The following LPA variants were observed in gnomAD, a reference collection of about 807,000 sequenced individuals.
LPA encodes the protein apolipoprotein(a).
In LPA, 199 loss-of-function variants were observed where a neutral mutation model predicts 197.9. The observed-to-expected ratio is 1.01, with a 90% CI of 0.90 to 1.13. The LOEUF is 1.13. Ranked by LOEUF, LPA falls within the 50% of genes most tolerant of loss-of-function variation. The probability of loss-of-function intolerance (pLI) is 0.00; values close to 1 mark genes in which losing one functional copy is unlikely to be tolerated. For missense variants in LPA, 1,853 were observed against 1,785.8 expected, an observed-to-expected ratio of 1.04 and a Z score of -0.68; for synonymous variants, 715 against 639.5, an observed-to-expected ratio of 1.12 and a Z score of -1.78.
At chr6:160,604,461 C>G (rs561555063) in intron 18 of LPA, among the ~76,000 whole-genome samples, 2 of 152,252 alleles carry the variant, frequency 1.3e-5, no homozygotes, top group Admixed American at 1.3e-4. Context: ...ATCTATCCAC[C>G]CTTTTACTTT....
chr6:160,556,169 G>T lies in LPA; in HGVS notation c.4829C>A (p.Thr1610Asn), dbSNP rs1289187240. ...ATGGTAGCACTGCCGGACCACAGGG[G>T]TTTGCTCAGTTGGTGCTGAAAATAG... ...AHSEAAPTEQ[T>N]PVVRQCYHGN... The change falls in exon 30 of 39, where the codon ACC becomes AAC. Residue 1610 changes from threonine (T) to asparagine (N), a missense_variant. Thr to Asn is a moderately conservative substitution (Grantham distance 65). This residue lies in a region of LPA where 1,737 missense variants were observed against 1,504.4 expected (regional missense o/e 1.15). Coordinates refer to ENST00000316300, the MANE Select transcript of LPA (RefSeq NM_005577.4). The T allele has an allele frequency of 1.2e-5, 20 of 1,613,882 alleles. No individual in the cohort carries two copies. The Middle Eastern group carries it at 5.0e-4, about 40-fold the overall frequency.
At chr6:160,558,196 G>A (rs1056243297) in intron 28 of LPA, among the ~76,000 whole-genome samples, 2 of 152,140 alleles carry the variant, frequency 1.3e-5, no homozygotes, top group African/African-American at 2.4e-5. Context: ...TGGGATTACA[G>A]GTGTGAGCCA....
Position 160,611,444 on chromosome 6 carries a change from G to C in LPA, c.2603+118C>G, listed in dbSNP as rs73785611. 49 of 1,520,510 alleles carry C rather than the reference G, an allele frequency of 3.2e-5. 1 individual carries two copies. The highest frequency in any genetic ancestry group is 4.1e-5 in the Non-Finnish European group (46 of 1,108,784). 94.2% of individuals were successfully genotyped at this position (1,520,510 alleles called of 1,614,324 possible). A position where few individuals can be genotyped will look rare whatever the true frequency, so the allele number is the denominator to read the frequency against. On this transcript the variant is annotated intron_variant, in intron 16 of 38. Transcript: ENST00000316300. The stretch of plus-strand genomic sequence containing the variant: ...CAAGGAAATCATCCTGAGACATTTT[G>C]CTACACCATCTGAATCTGACACAAG...
chr6:160,646,937 G>C (rs565986187), intron 2 of LPA, among the ~76,000 whole-genome samples: 1 of 152,130 alleles, frequency 6.6e-6, no homozygotes, highest in East Asian at 1.9e-4. Flanking sequence ...TCAAAACCTA[G>C]TGAAAAGGCT....
intron 16 of LPA, among the ~76,000 whole-genome samples, chr6:160,611,087 A>C (rs139081002): frequency 6.6e-6 from 1 of 151,924 alleles, no homozygotes. Flanking sequence ...GGACCAAGAG[A>C]TTTTCTCCCT....
In LPA at chr6:160,531,555, AGT is replaced by A; in HGVS notation, c.*172_*173del. The A allele has an allele frequency of 1.4e-6, 1 of 730,416 alleles. No individual in the cohort carries two copies. The highest frequency in any genetic ancestry group is 2.4e-6 in the Non-Finnish European group (1 of 421,830). 45.2% of individuals were successfully genotyped at this position (730,416 alleles called of 1,614,324 possible). On this transcript the variant is annotated 3_prime_UTR_variant, in exon 39 of 39. Coordinates refer to ENST00000316300, the MANE Select transcript of LPA (RefSeq NM_005577.4). Reference sequence around the variant, plus strand: ...ATGACACCTTAATACAGAATTTGTCAGTCAGACCTTAAAAGCTTATACACAAA... The same window carrying A: ...ATGACACCTTAATACAGAATTTGTCACAGACCTTAAAAGCTTATACACAAA...
chr6:160,572,547 G>T (rs746432769), intron 28 of LPA, among the ~76,000 whole-genome samples: 3 of 152,036 alleles, frequency 2.0e-5, no homozygotes, highest in Admixed American at 6.6e-5. Flanking sequence ...TGTGTTTCTA[G>T]GATTTGTTTC....
chr6:160,650,273 C>T, intron 2 of LPA, 65 bp downstream of exon 2: 7 of 1,541,770 alleles, frequency 4.5e-6, no homozygotes, highest in South Asian at 4.5e-5. Flanking sequence ...TAGCTTGACG[C>T]ACACCTTTTC....
intron 30 of LPA, among the ~76,000 whole-genome samples, chr6:160,553,954 T>TGTGTGTGTGTGTGTGC (rs771903485): frequency 0.035 from 4,582 of 130,588 alleles, 125 homozygotes; most frequent in African/African-American, 0.083. Context: ...TGTGTGTGTG[T>TGTGTGTGTGTGTGTGC]GCGCGCGCGC....
chr6:160,595,363 A>T lies in LPA; in HGVS notation c.3460T>A (p.Ser1154Thr), dbSNP rs374045640. 15 of 1,612,472 alleles carry T rather than the reference A, an allele frequency of 9.3e-6. No homozygotes were observed. Among genetic ancestry groups the T allele is most frequent in the Admixed American group, 1.7e-5 (1 of 60,026 alleles). Residue 1154 changes from serine (S) to threonine (T), a missense_variant, in exon 21 of 39, where the codon TCT becomes ACT. Physicochemically the swap from Ser to Thr is moderately conservative, Grantham distance 58. This residue lies in a region of LPA where 1,737 missense variants were observed against 1,504.4 expected (regional missense o/e 1.15). Coordinates refer to ENST00000316300, the MANE Select transcript of LPA (RefSeq NM_005577.4). ...VVPDPSTEASSEEAPTEQSPG... is the reference protein window; with the variant it reads ...VVPDPSTEASTEEAPTEQSPG... ...GCCATAGACTTCCTACCTTCTTCAG[A>T]AGAAGCCTCTGTGCTTGGATCTGGG...
At chr6:160,647,129 G>T (rs1284004423) in intron 2 of LPA, among the ~76,000 whole-genome samples, 1 of 152,168 alleles carries the variant, frequency 6.6e-6, no homozygotes, top group Non-Finnish European at 1.5e-5. Context: ...CCTGCTCTCA[G>T]TCTATCCTCT....
In LPA at chr6:160,589,206, T is replaced by C. The variant is rs534424009; in HGVS notation, c.3947+347A>G. 2.6e-5 allele frequency among the ~76,000 whole-genome samples: 4 copies of C among 152,360 alleles called. No individual in the cohort carries two copies. The South Asian group carries it at 6.2e-4, about 24-fold the overall frequency. ...CAACCTTCACTCCAGGGCTTGGAGA[T>C]TAGAATGACAGAATTCCCTGGTTGA... On this transcript the variant is annotated intron_variant, in intron 24 of 38. Coordinates refer to ENST00000316300, the MANE Select transcript of LPA (RefSeq NM_005577.4).
intron 16 of LPA, among the ~76,000 whole-genome samples, chr6:160,607,008 T>C (rs1231467033): frequency 1.3e-5 from 2 of 152,140 alleles, no homozygotes; most frequent in African/African-American, 4.8e-5. Flanking sequence ...GATGTGTGTA[T>C]TGTGGAATCG....
chr6:160,592,679 G>C (rs1779052455), intron 22 of LPA, among the ~76,000 whole-genome samples: 1 of 152,168 alleles, frequency 6.6e-6, no homozygotes, highest in South Asian at 2.1e-4. Flanking sequence ...GGAGGGTTGA[G>C]TTTACTTTTT....
At chr6:160,605,796 G>A (rs1485497667) in intron 17 of LPA, among the ~76,000 whole-genome samples, 1 of 152,280 alleles carries the variant, frequency 6.6e-6, no homozygotes, top group Non-Finnish European at 1.5e-5. Flanking sequence ...CTCCCCTGCA[G>A]GAGAGATGAA....
Position 160,540,070 on chromosome 6 carries a change from G to T in LPA, c.5708C>A (p.Ala1903Glu), listed in dbSNP as rs1777956492. ...VSRLFLEPTQADIALLKLSRP... is the reference protein window; with the variant it reads ...VSRLFLEPTQEDIALLKLSRP... ...GCTTAGCTTTAGCAAGGCAATATCT[G>T]CTTGTGTGGGCTCCAAGAACAGCCT... Residue 1903 changes from alanine (A) to glutamate (E), a missense_variant, in exon 36 of 39, where the codon GCA becomes GAA. This residue lies in a region of LPA where 1,737 missense variants were observed against 1,504.4 expected (regional missense o/e 1.15). Transcript: ENST00000316300. The T allele has an allele frequency of 6.2e-7, 1 of 1,614,084 alleles. No homozygotes were observed. The highest frequency in any genetic ancestry group is 8.5e-7 in the Non-Finnish European group (1 of 1,180,012).
intron 31 of LPA, 56 bp downstream of exon 31, chr6:160,548,422 T>C: frequency 6.4e-7 from 1 of 1,569,070 alleles, no homozygotes; most frequent in South Asian, 1.1e-5. Flanking sequence ...TTTCATCCCG[T>C]TGTCCAAGCA....
chr6:160,659,903 G>A (rs1361633244), intron 1 of LPA, among the ~76,000 whole-genome samples: 2 of 152,060 alleles, frequency 1.3e-5, no homozygotes, highest in Non-Finnish European at 2.9e-5. Flanking sequence ...CAGTGGTAAG[G>A]AAGAAAGTAC....
rs190981563 is a variant in LPA, at chr6:160,538,438, C to G, written c.5736-477G>C. ...TTCCTCCTCGTGAATGTTACTAAAC[C>G]GTGGTGGTAAGAATGCAGTAAAATG... is the stretch of plus-strand genomic sequence containing the variant. On this transcript the variant is annotated intron_variant, in intron 36 of 38. Coordinates refer to ENST00000316300, the MANE Select transcript of LPA (RefSeq NM_005577.4). 1.1e-4 allele frequency among the ~76,000 whole-genome samples: 17 copies of G among 152,236 alleles called. 1 individual carries two copies. The Middle Eastern group carries it at 0.01, about 91-fold the overall frequency.
Sources: allele counts gnomAD v4.1 joint callset (sites outside exome capture counted in the v4.1 genomes callset), GRCh38; gene constraint gnomAD v4.1.1; regional missense constraint gnomAD v4.1.1; transcripts MANE v1.5; gene names NCBI Gene and HGNC (gene_info 2026-07-23, HGNC 2026-07-21).